The following OR1J2 variants were observed in gnomAD, a reference collection of about 807,000 sequenced individuals.
OR1J2 encodes olfactory receptor family 1 subfamily J member 2.
For missense variants in OR1J2, 304 were observed against 246.1 expected, an observed-to-expected ratio of 1.24 and a Z score of -1.57; for synonymous variants, 142 against 99.7, an observed-to-expected ratio of 1.42 and a Z score of -2.52.
the OR1J2 span, among the ~76,000 whole-genome samples, chr9:122,467,046 C>T: frequency 6.6e-6 from 1 of 152,042 alleles, no homozygotes. Flanking sequence ...CAACTGGTCT[C>T]GAACTCCAGA....
At chr9:122,537,698 T>C in the OR1J2 span, among the ~76,000 whole-genome samples, 1 of 152,220 alleles carries the variant, frequency 6.6e-6, no homozygotes, top group Non-Finnish European at 1.5e-5. Context: ...CATTGGTTTG[T>C]GTCATTGAAA....
chr9:122,522,420 T>C, the OR1J2 span, among the ~76,000 whole-genome samples: 1 of 152,224 alleles, frequency 6.6e-6, no homozygotes, highest in African/African-American at 2.4e-5. Context: ...CACACAATTC[T>C]GACATGGAAA....
chr9:122,486,535 C>G, the OR1J2 span, among the ~76,000 whole-genome samples: 1 of 152,074 alleles, frequency 6.6e-6, no homozygotes, highest in Admixed American at 6.6e-5. Flanking sequence ...AGATTTGTGC[C>G]ATGATGGTGA....
At chr9:122,565,417 G>A in the OR1J2 span, among the ~76,000 whole-genome samples, 2 of 152,168 alleles carry the variant, frequency 1.3e-5, no homozygotes, top group Non-Finnish European at 2.9e-5. Context: ...CACTGTCATC[G>A]CCCAATGGGC....
the OR1J2 span, chr9:122,520,110 T>C: frequency 3.3e-6 from 5 of 1,519,180 alleles, no homozygotes; most frequent in Admixed American, 1.7e-5. Context: ...AACAGACATA[T>C]GTACTGACCT....
the OR1J2 span, among the ~76,000 whole-genome samples, chr9:122,499,640 G>C: frequency 6.6e-6 from 1 of 152,192 alleles, no homozygotes; most frequent in Non-Finnish European, 1.5e-5. Flanking sequence ...AGGAAGAATA[G>C]GGTGGGTCAG....
At chr9:122,577,369 T>C in the OR1J2 span, among the ~76,000 whole-genome samples, 1 of 152,188 alleles carries the variant, frequency 6.6e-6, no homozygotes, top group South Asian at 2.1e-4. Context: ...TAGCCAAAAG[T>C]TTTCAGTAGT....
At chr9:122,550,094 C>A in the OR1J2 span, among the ~76,000 whole-genome samples, 2 of 151,928 alleles carry the variant, frequency 1.3e-5, no homozygotes, top group African/African-American at 2.4e-5. Context: ...TACATATAAT[C>A]CTAGGTATCA....
chr9:122,554,238 G>C, the OR1J2 span: 4 of 1,130,858 alleles, frequency 3.5e-6, no homozygotes, highest in Non-Finnish European at 5.1e-6. Context: ...TTCTACTACT[G>C]TCATGTTGAT....
At chr9:122,519,753 G>T in the OR1J2 span, 2 of 1,613,976 alleles carry the variant, frequency 1.2e-6, no homozygotes, top group Non-Finnish European at 1.7e-6. Context: ...AGTGGGACAG[G>T]CAGTCATTAC....
the OR1J2 span, chr9:122,519,923 C>A: frequency 1.9e-6 from 3 of 1,614,136 alleles, no homozygotes; most frequent in South Asian, 3.3e-5. Context: ...TGTATTTTCT[C>A]CCCTCATCCA....
the OR1J2 span, among the ~76,000 whole-genome samples, chr9:122,536,665 AGACTCTTGATAGTTT>A: frequency 6.6e-6 from 1 of 152,184 alleles, no homozygotes; most frequent in African/African-American, 2.4e-5. Context: ...ATATTCTCCC[AGACTCTTGATAGTTT>A]TATAGCCCAG....
At chr9:122,478,603 T>A in the OR1J2 span, among the ~76,000 whole-genome samples, 1 of 152,176 alleles carries the variant, frequency 6.6e-6, no homozygotes, top group Admixed American at 6.5e-5. Flanking sequence ...TTATTTTGAG[T>A]GATTTTTCAA....
chr9:122,575,501 T>G, the OR1J2 span, among the ~76,000 whole-genome samples: 6,732 of 152,198 alleles, frequency 0.044, 514 homozygotes, highest in African/African-American at 0.15. Flanking sequence ...GTTCATAGTA[T>G]TTCTTTATTT....
downstream of OR1J2, among the ~76,000 whole-genome samples, chr9:122,512,737 T>C (rs1302315716): frequency 6.6e-5 from 10 of 152,280 alleles, no homozygotes; most frequent in Non-Finnish European, 2.9e-5. Flanking sequence ...GTAATGAAAA[T>C]GAAGCCAAAG....
the OR1J2 span, among the ~76,000 whole-genome samples, chr9:122,552,023 G>A: frequency 1.1e-5 from 1 of 93,866 alleles, no homozygotes; most frequent in Admixed American, 1.0e-4. Flanking sequence ...GGATTTGGAA[G>A]GGGTAGGACA....
upstream of OR1J2, among the ~76,000 whole-genome samples, chr9:122,510,127 C>T (rs1828604849): frequency 6.6e-6 from 1 of 152,082 alleles, no homozygotes; most frequent in Admixed American, 6.5e-5. Context: ...GCACGTCCTG[C>T]ACATGTACCC....
At chr9:122,577,497 C>A in the OR1J2 span, among the ~76,000 whole-genome samples, 3 of 152,196 alleles carry the variant, frequency 2.0e-5, no homozygotes, top group Non-Finnish European at 1.5e-5. Context: ...TGAACATGAA[C>A]AGGCAATTCA....
the OR1J2 span, among the ~76,000 whole-genome samples, chr9:122,483,764 A>G: frequency 6.6e-6 from 1 of 152,248 alleles, no homozygotes; most frequent in African/African-American, 2.4e-5. Context: ...AATGATAAGT[A>G]CATTAGGTCA....
Sources: gnomAD v4.1 joint callset for allele counts (sites outside exome capture counted in the v4.1 genomes callset) on GRCh38, gnomAD v4.1.1 for gene constraint, MANE v1.5 for transcripts, NCBI Gene and HGNC (gene_info 2026-07-23, HGNC 2026-07-21) for gene names.